The following SFXN1 variants were observed in gnomAD, a reference collection of about 807,000 sequenced individuals.
The protein encoded by SFXN1 is sideroflexin-1.
A neutral mutation model predicts 39.5 loss-of-function variants in SFXN1; 32 were observed. That is an observed-to-expected ratio of 0.81 (90% confidence interval 0.61 to 1.09). The LOEUF is 1.09. Among genes scored for constraint, SFXN1 ranks in the 50% least tolerant of loss-of-function variants. SFXN1 has a pLI of 0.00. For synonymous variants in SFXN1, 136 were observed against 146.5 expected, an observed-to-expected ratio of 0.93 and a Z score of 0.52; for missense variants, 402 against 407.1, an observed-to-expected ratio of 0.99 and a Z score of 0.11.
At chr5:175,499,759 T>C (rs181578279) in intron 2 of SFXN1, among the ~76,000 whole-genome samples, 113 of 152,348 alleles carry the variant, frequency 7.4e-4, no homozygotes, top group African/African-American at 2.5e-3. Flanking sequence ...TCGTTAACTT[T>C]TCTTCAGCAT....
chr5:175,499,229 T>C (rs1418506359), intron 2 of SFXN1, among the ~76,000 whole-genome samples: 2 of 150,214 alleles, frequency 1.3e-5, no homozygotes, highest in Non-Finnish European at 3.0e-5. Flanking sequence ...CACTCCAGCC[T>C]GGGCAACAGA....
At chr5:175,481,796 A>G (rs1442083024) in intron 1 of SFXN1, among the ~76,000 whole-genome samples, 1 of 152,256 alleles carries the variant, frequency 6.6e-6, no homozygotes, top group Non-Finnish European at 1.5e-5. Context: ...CTGAGTGGAA[A>G]TAGAATGAAT....
In SFXN1 at chr5:175,527,864, T is replaced by G. The variant is rs544578305; in HGVS notation, c.*1130T>G. Reference sequence around the variant, plus strand: ...GTTTAACGTCATAGACAGTTGGCCCTCTGTATCCGTGAGCTCTATATCTGT... The same window carrying G: ...GTTTAACGTCATAGACAGTTGGCCCGCTGTATCCGTGAGCTCTATATCTGT... On this transcript the variant is annotated 3_prime_UTR_variant, in exon 11 of 11. Coordinates refer to ENST00000321442, the MANE Select transcript of SFXN1 (RefSeq NM_022754.7). The G allele has an allele frequency of 6.6e-6, 1 of 152,168 alleles. No homozygotes were observed. Among genetic ancestry groups the G allele is most frequent in the African/African-American group, 2.4e-5 (1 of 41,536 alleles). 9.4% of individuals were successfully genotyped at this position (152,168 alleles called of 1,614,324 possible).
At chr5:175,524,970 AGT>A (rs1761015641) in intron 10 of SFXN1, among the ~76,000 whole-genome samples, 2 of 152,228 alleles carry the variant, frequency 1.3e-5, no homozygotes, top group South Asian at 4.1e-4. Context: ...TAGGCCAGAT[AGT>A]CATTAAGGAA....
At chr5:175,488,702 C>T (rs531144363) in intron 1 of SFXN1, among the ~76,000 whole-genome samples, 3 of 152,266 alleles carry the variant, frequency 2.0e-5, no homozygotes, top group Non-Finnish European at 4.4e-5. Context: ...TCACTTTCCT[C>T]TGATCTTGCT....
intron 1 of SFXN1, among the ~76,000 whole-genome samples, chr5:175,487,817 C>T (rs1269722048): frequency 2.0e-5 from 3 of 152,192 alleles, no homozygotes; most frequent in African/African-American, 7.2e-5. Context: ...TTCCTGTCTT[C>T]TCCCTCGGCC....
intron 2 of SFXN1, among the ~76,000 whole-genome samples, chr5:175,497,344 G>C (rs1214121185): frequency 6.6e-6 from 1 of 152,214 alleles, no homozygotes; most frequent in Non-Finnish European, 1.5e-5. Context: ...GAGGTATCAT[G>C]TTTTAAGTAT....
chr5:175,483,070 C>T (rs1279535127), intron 1 of SFXN1, among the ~76,000 whole-genome samples: 1 of 152,104 alleles, frequency 6.6e-6, no homozygotes, highest in Non-Finnish European at 1.5e-5. Context: ...TGGGATGAGG[C>T]TCCATGAAAC....
intron 2 of SFXN1, among the ~76,000 whole-genome samples, chr5:175,501,857 A>G (rs896016658): frequency 2.6e-5 from 4 of 152,158 alleles, no homozygotes; most frequent in Admixed American, 2.0e-4. Context: ...GACAGAACCG[A>G]TTTATCAAGA....
intron 8 of SFXN1, among the ~76,000 whole-genome samples, chr5:175,517,857 C>T (rs903777111): frequency 6.6e-6 from 1 of 152,098 alleles, no homozygotes; most frequent in African/African-American, 2.4e-5. Flanking sequence ...CTTGGTTGGC[C>T]TTCCGCTTGT....
At chr5:175,507,555 A>G (rs1760352075) in intron 2 of SFXN1, among the ~76,000 whole-genome samples, 1 of 152,218 alleles carries the variant, frequency 6.6e-6, no homozygotes, top group Non-Finnish European at 1.5e-5. Context: ...TGAGTAGGTA[A>G]AGACTTGAGT....
intron 2 of SFXN1, among the ~76,000 whole-genome samples, chr5:175,503,878 C>T (rs972561349): frequency 6.6e-6 from 1 of 151,942 alleles, no homozygotes; most frequent in East Asian, 1.9e-4. Context: ...GTGGCACGCA[C>T]CTGTAATCCC....
At chr5:175,485,086 A>G (rs1759400617) in intron 1 of SFXN1, among the ~76,000 whole-genome samples, 1 of 152,208 alleles carries the variant, frequency 6.6e-6, no homozygotes, top group African/African-American at 2.4e-5. Flanking sequence ...TTTTGTGAGA[A>G]TGCTAATGTG....
At chr5:175,500,484 T>G (rs959347906) in intron 2 of SFXN1, among the ~76,000 whole-genome samples, 2 of 150,616 alleles carry the variant, frequency 1.3e-5, no homozygotes, top group Non-Finnish European at 3.0e-5. Flanking sequence ...GAGCTTGGGT[T>G]TTTTTAAAAA....
chr5:175,482,939 C>T lies in SFXN1; in HGVS notation c.-10+4300C>T, dbSNP rs190553310. 5.5e-4 allele frequency among the ~76,000 whole-genome samples: 84 copies of T among 152,264 alleles called. 2 individuals are homozygous for T. The highest frequency in any genetic ancestry group is 3.9e-3 in the Admixed American group (59 of 15,298). On this transcript the variant is annotated intron_variant, in intron 1 of 10. Coordinates refer to ENST00000321442, the MANE Select transcript of SFXN1 (RefSeq NM_022754.7). The stretch of plus-strand genomic sequence containing the variant: ...AGCCAGAAAAAAACAGCTGTGTGTT[C>T]GGTCTTTCCAAACCCAGGACCAAGC...
chr5:175,512,530 A>C (rs1257200940), intron 6 of SFXN1, among the ~76,000 whole-genome samples: 1 of 152,214 alleles, frequency 6.6e-6, no homozygotes, highest in African/African-American at 2.4e-5. Context: ...GACAAAGTCT[A>C]TCCAAAGAAA....
intron 2 of SFXN1, among the ~76,000 whole-genome samples, chr5:175,507,435 A>T (rs115717816): frequency 0.067 from 10,177 of 152,278 alleles, 456 homozygotes; most frequent in Admixed American, 0.11. Context: ...TGAGTAAAGA[A>T]GGTGGTTATA....
chr5:175,480,920 G>A (rs1759225531), intron 1 of SFXN1, among the ~76,000 whole-genome samples: 1 of 152,180 alleles, frequency 6.6e-6, no homozygotes, highest in South Asian at 2.1e-4. Flanking sequence ...TTTAAAAAGG[G>A]GGGAACAAAG....
intron 2 of SFXN1, among the ~76,000 whole-genome samples, chr5:175,504,163 T>C (rs1200177151): frequency 2.6e-5 from 4 of 152,166 alleles, no homozygotes; most frequent in African/African-American, 9.7e-5. Flanking sequence ...GAATGTCACA[T>C]TCTATTAACT....
Sources: gnomAD v4.1 joint callset for allele counts (sites outside exome capture counted in the v4.1 genomes callset) on GRCh38, gnomAD v4.1.1 for gene constraint, MANE v1.5 for transcripts, NCBI Gene and HGNC (gene_info 2026-07-23, HGNC 2026-07-21) for gene names.